FLRT2: variants seen among roughly 807,000 people sequenced by gnomAD.
FLRT2 encodes fibronectin leucine rich transmembrane protein 2.
Under a neutral mutation model 40.0 loss-of-function variants are expected in FLRT2, and 15 were observed. The ratio of observed to expected loss-of-function variants is 0.38; its 90% confidence interval spans 0.25 to 0.58. FLRT2 has a LOEUF of 0.58. Among genes scored for constraint, FLRT2 ranks in the 20% least tolerant of loss-of-function variants. The pLI is 0.71. For synonymous variants in FLRT2, 380 were observed against 336.8 expected (o/e 1.13, Z -1.41); for missense variants, 726 against 840.0 (o/e 0.86, Z 1.68).
intron 1 of FLRT2, among the ~76,000 whole-genome samples, chr14:85,606,562 G>T (rs536837255): frequency 3.1e-5 from 4 of 128,502 alleles, no homozygotes; most frequent in African/African-American, 1.2e-4. Flanking sequence ...GTGCTGCTCT[G>T]TTGCCAGACT....
Position 85,631,335 on chromosome 14 carries a change from A to G in FLRT2, c.*7838A>G, listed in dbSNP as rs1038571248. On this transcript the variant is annotated 3_prime_UTR_variant, in exon 2 of 2. Transcript: ENST00000330753. Reference sequence around the variant, plus strand: ...ATTATCTGACCGCTTTGTGCGGTTAATATAACTTTAAAATACATTTATTTT... The same window carrying G: ...ATTATCTGACCGCTTTGTGCGGTTAGTATAACTTTAAAATACATTTATTTT... The G allele has an allele frequency of 6.6e-6, 1 of 151,922 alleles. No homozygotes were observed. Among genetic ancestry groups the G allele is most frequent in the African/African-American group, 2.4e-5 (1 of 41,324 alleles). 9.4% of individuals were successfully genotyped at this position (151,922 alleles called of 1,614,324 possible). A position where few individuals can be genotyped will look rare whatever the true frequency, so the allele number is the denominator to read the frequency against.
rs911517327 is a variant in FLRT2 at position 85,637,530 on chromosome 14, C to T, written c.*14033C>T. The T allele has an allele frequency of 2.0e-5, 3 of 152,190 alleles. No individual in the cohort carries two copies. The highest frequency in any genetic ancestry group is 4.4e-5 in the Non-Finnish European group (3 of 68,032). 9.4% of individuals were successfully genotyped at this position (152,190 alleles called of 1,614,324 possible). A position where few individuals can be genotyped will look rare whatever the true frequency, so the allele number is the denominator to read the frequency against. ...TGTTACATTAACTCCATTCAATATT[C>T]TTTCTTTCCACAATCGTCTGTCACT... On this transcript the variant is annotated 3_prime_UTR_variant, in exon 2 of 2. Coordinates refer to ENST00000330753, the MANE Select transcript of FLRT2 (RefSeq NM_013231.6).
intron 1 of FLRT2, among the ~76,000 whole-genome samples, chr14:85,552,207 G>T (rs879236694): frequency 6.6e-6 from 1 of 152,170 alleles, no homozygotes; most frequent in Non-Finnish European, 1.5e-5. Flanking sequence ...TCAGAATCTA[G>T]GGAGCTTGTC....
rs1894489513 is a variant in FLRT2, at chr14:85,653,905, A to G, written c.*30408A>G. 6.6e-6 allele frequency: 1 copy of G among 152,188 alleles called. No homozygotes were observed. Among genetic ancestry groups the G allele is most frequent in the African/African-American group, 2.4e-5 (1 of 41,452 alleles). The allele number at this position is 152,188 out of a possible 1,614,324, so 9.4% of individuals were successfully genotyped here. Reference sequence around the variant, plus strand: ...AAATTATACCTATTTTTTTAAATTGAAGTACAAAGAAACTGTAGCTATAAT... The same window carrying G: ...AAATTATACCTATTTTTTTAAATTGGAGTACAAAGAAACTGTAGCTATAAT... On this transcript the variant is annotated 3_prime_UTR_variant, in exon 2 of 2. Transcript: ENST00000330753.
At chr14:85,558,354 A>G (rs1485404485) in intron 1 of FLRT2, among the ~76,000 whole-genome samples, 1 of 152,188 alleles carries the variant, frequency 6.6e-6, no homozygotes, top group Admixed American at 6.5e-5. Context: ...AAAGTAAATA[A>G]GGATAAAAGA....
intron 1 of FLRT2, among the ~76,000 whole-genome samples, chr14:85,579,493 G>T (rs920724949): frequency 6.6e-6 from 1 of 152,074 alleles, no homozygotes; most frequent in African/African-American, 2.4e-5. Flanking sequence ...GGGTGGGGAA[G>T]GGCTGGAAAG....
chr14:85,622,216 A>G lies in FLRT2; in HGVS notation c.702A>G (p.Glu234=), dbSNP rs1183287059. The change falls in exon 2 of 2, where the codon GAA becomes GAG. Residue 234 remains glutamate, a synonymous_variant. Coordinates refer to ENST00000330753, the MANE Select transcript of FLRT2 (RefSeq NM_013231.6). ...TCAGCCATCTCACCAAGCTCAAGGA[A>G]TTTTCAATTGTACGTAATTCGCTGT... ...GTFSHLTKLK[E]FSIVRNSLSH... 1 of 1,613,962 alleles carries G rather than the reference A, an allele frequency of 6.2e-7. No homozygotes were observed. The highest frequency in any genetic ancestry group is 1.3e-5 in the African/African-American group (1 of 74,868).
At position 85,625,469 on chromosome 14, in the gene FLRT2, A is replaced by G. The variant is rs1893640082; in HGVS notation, c.*1972A>G. 2 of 166,994 alleles carry G rather than the reference A, an allele frequency of 1.2e-5. No homozygotes were observed. The highest frequency in any genetic ancestry group is 2.9e-5 in the Non-Finnish European group (2 of 68,130). The allele number at this position is 166,994 out of a possible 1,614,324, so 10.3% of individuals were successfully genotyped here. A position where few individuals can be genotyped will look rare whatever the true frequency, so the allele number is the denominator to read the frequency against. ...CCTTGTCCCTCAGAATAAGCAGAAA[A>G]TATAACTGCAGCTGTATGTCGTAGA... is the stretch of plus-strand genomic sequence containing the variant. On this transcript the variant is annotated 3_prime_UTR_variant, in exon 2 of 2. Transcript: ENST00000330753.
At chr14:85,554,476 C>A (rs951314637) in intron 1 of FLRT2, among the ~76,000 whole-genome samples, 7 of 152,182 alleles carry the variant, frequency 4.6e-5, no homozygotes, top group Non-Finnish European at 8.8e-5. Flanking sequence ...GCTCTCAGAT[C>A]CCCTTGGATC....
rs762495045 is a variant in FLRT2, at chr14:85,622,856, A to G, written c.1342A>G (p.Met448Val). The G allele has an allele frequency of 1.2e-6, 2 of 1,614,166 alleles. No individual in the cohort carries two copies. The highest frequency in any genetic ancestry group is 8.5e-7 in the Non-Finnish European group (1 of 1,180,042). ...QVSWLSLFTV[M>V]AYKLTWVKMG... ...CAGCTGGCTCTCTCTCTTCACCGTG[A>G]TGGCATACAAACTCACATGGGTGAA... Residue 448 changes from methionine to valine, a missense_variant, in exon 2 of 2, where the codon ATG becomes GTG. Met to Val is a conservative substitution (Grantham distance 21). Transcript: ENST00000330753.
rs1893906337 is a variant in FLRT2 at position 85,632,576 on chromosome 14, A to G, written c.*9079A>G. 1 of 147,668 alleles carries G rather than the reference A, an allele frequency of 6.8e-6. No homozygotes were observed. Among genetic ancestry groups the G allele is most frequent in the Non-Finnish European group, 1.5e-5 (1 of 67,436 alleles). 9.1% of individuals were successfully genotyped at this position (147,668 alleles called of 1,614,324 possible). A position where few individuals can be genotyped will look rare whatever the true frequency, so the allele number is the denominator to read the frequency against. ...TTTCGACAGTCGGCTAGTCAAAATG[A>G]ATTCTTTGCATGTGAAAAGCAGAGA... On this transcript the variant is annotated 3_prime_UTR_variant, in exon 2 of 2. Coordinates refer to ENST00000330753, the MANE Select transcript of FLRT2 (RefSeq NM_013231.6).
At chr14:85,595,265 T>A (rs1253675423) in intron 1 of FLRT2, among the ~76,000 whole-genome samples, 1 of 152,130 alleles carries the variant, frequency 6.6e-6, no homozygotes, top group East Asian at 1.9e-4. Context: ...AGAGATGTGT[T>A]TTATAAGTTA....
chr14:85,597,643 G>T (rs1892200329), intron 1 of FLRT2, among the ~76,000 whole-genome samples: 2 of 152,172 alleles, frequency 1.3e-5, no homozygotes, highest in Admixed American at 1.3e-4. Flanking sequence ...TGCAACGTCT[G>T]CCTCCCAGGT....
intron 1 of FLRT2, among the ~76,000 whole-genome samples, chr14:85,612,267 T>C (rs1892924156): frequency 1.3e-5 from 2 of 152,116 alleles, no homozygotes; most frequent in African/African-American, 4.8e-5. Flanking sequence ...GCATTCTGGT[T>C]GTGTATAAAC....
At chr14:85,597,018 G>A (rs1892169471) in intron 1 of FLRT2, among the ~76,000 whole-genome samples, 1 of 151,900 alleles carries the variant, frequency 6.6e-6, no homozygotes, top group Non-Finnish European at 1.5e-5. Flanking sequence ...ATTGCGTTGA[G>A]ATGAAAAAAA....
chr14:85,595,968 C>T (rs1479615147), intron 1 of FLRT2, among the ~76,000 whole-genome samples: 1 of 152,074 alleles, frequency 6.6e-6, no homozygotes, highest in Non-Finnish European at 1.5e-5. Context: ...TGTACAAGTC[C>T]CCTGGGGCAG....
rs542925008 is a variant in FLRT2, at chr14:85,637,430, A to G, written c.*13933A>G. The G allele has an allele frequency of 2.6e-5, 4 of 152,352 alleles. No homozygotes were observed. In the South Asian group the frequency reaches 8.3e-4, roughly 32 times the overall value. 9.4% of individuals were successfully genotyped at this position (152,352 alleles called of 1,614,324 possible). ...TTCATATTTTTTAAAAGGTATAACA[A>G]AAACACCTACCACAGTGTTGGTGTG... On this transcript the variant is annotated 3_prime_UTR_variant, in exon 2 of 2. Transcript: ENST00000330753.
In FLRT2 at chr14:85,623,017, C is replaced by T. The variant is rs755459125; in HGVS notation, c.1503C>T (p.Tyr501=). The change falls in exon 2 of 2, where the codon TAC becomes TAT. Residue 501 remains tyrosine, a synonymous_variant. Transcript: ENST00000330753. ...TAGTGCCACTGGATGCTTTTAACTA[C>T]CGCGCGGTAGAAGACACCATTTGTT... ...ICLVPLDAFN[Y]RAVEDTICSE... is the part of the protein sequence containing the mutation. The T allele has an allele frequency of 6.2e-7, 1 of 1,614,166 alleles. No homozygotes were observed. The highest frequency in any genetic ancestry group is 1.1e-5 in the South Asian group (1 of 91,084).
At chr14:85,608,071 CTTTAT>C (rs760382950) in intron 1 of FLRT2, among the ~76,000 whole-genome samples, 10 of 152,082 alleles carry the variant, frequency 6.6e-5, no homozygotes, top group Admixed American at 1.3e-4. Context: ...ACCTTAATTA[CTTTAT>C]TTTAACTCGA....
Sources: allele counts gnomAD v4.1 joint callset (sites outside exome capture counted in the v4.1 genomes callset), GRCh38; gene constraint gnomAD v4.1.1; transcripts MANE v1.5; gene names NCBI Gene and HGNC (gene_info 2026-07-23, HGNC 2026-07-21).